TLN2: variants seen among roughly 807,000 people sequenced by gnomAD.
TLN2 encodes the protein talin 2, also known as talin-2.
In TLN2, 118 loss-of-function variants were observed where a neutral mutation model predicts 294.7. The observed-to-expected ratio is 0.40, with a 90% CI of 0.34 to 0.47. TLN2 has a LOEUF of 0.47. Ranked by LOEUF, TLN2 falls within the 20% of genes least tolerant of loss-of-function variation. The pLI, the probability that TLN2 is intolerant of heterozygous loss-of-function variation, is 0.84. For synonymous variants in TLN2, 1,431 were observed against 1,304.5 expected (o/e 1.10, Z -2.09); for missense variants, 3,083 against 3,282.2 (o/e 0.94, Z 1.48).
intron 1 of TLN2, among the ~76,000 whole-genome samples, chr15:62,479,484 T>A (rs888191768): frequency 3.9e-5 from 6 of 152,244 alleles, no homozygotes; most frequent in Non-Finnish European, 7.4e-5. Flanking sequence ...TCTTTATTTT[T>A]ATTTTTTTTT....
intron 41 of TLN2, among the ~76,000 whole-genome samples, chr15:62,766,633 C>T (rs996810634): frequency 1.3e-5 from 2 of 152,166 alleles, no homozygotes; most frequent in African/African-American, 4.8e-5. Context: ...TACCTAAGTT[C>T]AGAAGAAAAC....
At chr15:62,621,030 G>A (rs1475943736) in intron 3 of TLN2, among the ~76,000 whole-genome samples, 6 of 151,088 alleles carry the variant, frequency 4.0e-5, no homozygotes, top group East Asian at 2.0e-4. Context: ...TAGTAGAGAC[G>A]GGGTTTCACC....
chr15:62,672,473 T>C (rs1178995131), intron 9 of TLN2, among the ~76,000 whole-genome samples: 1 of 152,172 alleles, frequency 6.6e-6, no homozygotes, highest in Non-Finnish European at 1.5e-5. Flanking sequence ...GTCAGTGGGA[T>C]GGGGAAATAG....
intron 1 of TLN2, among the ~76,000 whole-genome samples, chr15:62,529,561 TAAAA>T (rs11312497): frequency 4.6e-4 from 62 of 135,162 alleles, no homozygotes; most frequent in Admixed American, 3.3e-3. Flanking sequence ...CTTAAAAGCT[TAAAA>T]AAAAAAAAAA....
chr15:62,836,115 G>C lies in TLN2; in HGVS notation c.7374+42G>C, dbSNP rs746864145. On this transcript the variant is annotated intron_variant, in intron 57 of 58. Coordinates refer to ENST00000636159, the MANE Select transcript of TLN2 (RefSeq NM_015059.3). ...CTGGTGGGAAAATACTCCTGTTGGAGCGGGTAAGTGTCACCAGAGGGGACA... is the reference window on the plus strand; with the variant it reads ...CTGGTGGGAAAATACTCCTGTTGGACCGGGTAAGTGTCACCAGAGGGGACA... The C allele has an allele frequency of 2.6e-6, 4 of 1,561,634 alleles. No individual in the cohort carries two copies. The Admixed American group carries it at 7.5e-5, about 29-fold the overall frequency.
intron 2 of TLN2, among the ~76,000 whole-genome samples, chr15:62,607,929 T>C (rs1196113357): frequency 6.6e-6 from 1 of 152,244 alleles, no homozygotes; most frequent in Non-Finnish European, 1.5e-5. Context: ...CCTTCTTTGC[T>C]AATGTCTAAC....
chr15:62,665,117 G>C (rs2140981864), intron 9 of TLN2, among the ~76,000 whole-genome samples: 1 of 152,174 alleles, frequency 6.6e-6, no homozygotes, highest in South Asian at 2.1e-4. Flanking sequence ...CTGTCACCCA[G>C]GCTGGAGTGC....
chr15:62,517,787 C>T (rs563883246), intron 1 of TLN2, among the ~76,000 whole-genome samples: 1 of 152,126 alleles, frequency 6.6e-6, no homozygotes, highest in Non-Finnish European at 1.5e-5. Context: ...TTTCCCAGAC[C>T]TGTTGGGTAA....
rs2043543052 is a variant in TLN2 at position 62,567,930 on chromosome 15, T to C, written c.-237-21757T>C. Among the ~76,000 whole-genome samples, 5 of 152,156 alleles carry C rather than the reference T, an allele frequency of 3.3e-5. No individual in the cohort carries two copies. The South Asian group carries it at 1.0e-3, about 32-fold the overall frequency. On this transcript the variant is annotated intron_variant, in intron 1 of 58. Coordinates refer to ENST00000636159, the MANE Select transcript of TLN2 (RefSeq NM_015059.3). ...CTTCGGCCAGGCATGCTAAAGATGA[T>C]GCCTTTTGGTTTAGGACCTCCAGAA... is the stretch of plus-strand genomic sequence containing the variant.
At chr15:62,734,810 C>A (rs748778873) in intron 28 of TLN2, among the ~76,000 whole-genome samples, 1 of 152,190 alleles carries the variant, frequency 6.6e-6, no homozygotes, top group Non-Finnish European at 1.5e-5. Context: ...GCACTGCAAA[C>A]CCATCTGGTT....
chr15:62,837,481 G>A (rs1450931472), intron 57 of TLN2, among the ~76,000 whole-genome samples: 2 of 152,188 alleles, frequency 1.3e-5, no homozygotes, highest in Non-Finnish European at 2.9e-5. Context: ...GGGTCAAATA[G>A]GAGAATGCAT....
chr15:62,477,120 G>T (rs148667225), intron 1 of TLN2, among the ~76,000 whole-genome samples: 193 of 152,296 alleles, frequency 1.3e-3, no homozygotes, highest in African/African-American at 4.5e-3. Flanking sequence ...GAAGAAAGAC[G>T]AGATCAAGTA....
chr15:62,514,591 T>G (rs2040093218), intron 1 of TLN2, among the ~76,000 whole-genome samples: 1 of 152,232 alleles, frequency 6.6e-6, no homozygotes, highest in African/African-American at 2.4e-5. Context: ...TCATGGGCAT[T>G]GACTTTTGAC....
chr15:62,460,507 C>A lies in TLN2; in HGVS notation c.-238+69822C>A, dbSNP rs374687153. 1.6e-4 allele frequency among the ~76,000 whole-genome samples: 24 copies of A among 152,216 alleles called. No individual in the cohort carries two copies. The East Asian group carries it at 4.5e-3, about 28-fold the overall frequency. ...CAAACTCCCAACCTCAGGTGATCCA[C>A]CCGCCTCGGCCTCCCAAAGTGCTGG... On this transcript the variant is annotated intron_variant, in intron 1 of 58. Transcript: ENST00000636159.
rs373711520 is a variant in TLN2 at position 62,507,304 on chromosome 15, TG to T, written c.-237-82378del. Reference sequence around the variant, plus strand: ...ATCAGTCAGCACAATTTGGGAAAGGTGGGGGTATTCTGCTATGGAATACCAA... The same window carrying T: ...ATCAGTCAGCACAATTTGGGAAAGGTGGGGTATTCTGCTATGGAATACCAA... On this transcript the variant is annotated intron_variant, in intron 1 of 58. Transcript: ENST00000636159. Among the ~76,000 whole-genome samples the T allele has an allele frequency of 2.8e-4, 43 of 152,318 alleles. 1 individual carries two copies. In the East Asian group the frequency reaches 6.2e-3, roughly 22 times the overall value.
intron 3 of TLN2, among the ~76,000 whole-genome samples, chr15:62,639,985 G>T (rs1285419508): frequency 6.6e-6 from 1 of 152,238 alleles, no homozygotes; most frequent in Non-Finnish European, 1.5e-5. Flanking sequence ...GATGGGGACA[G>T]ATAGGCACCT....
chr15:62,459,174 G>A (rs2036652562), intron 1 of TLN2, among the ~76,000 whole-genome samples: 1 of 151,780 alleles, frequency 6.6e-6, no homozygotes, highest in Non-Finnish European at 1.5e-5. Flanking sequence ...CTAATTTTTT[G>A]TATTTTTAGT....
intron 34 of TLN2, among the ~76,000 whole-genome samples, chr15:62,752,016 C>G (rs920980351): frequency 1.4e-4 from 22 of 152,104 alleles, no homozygotes; most frequent in African/African-American, 4.8e-4. Flanking sequence ...CAGTTTAGAC[C>G]ATTCACCCAT....
At chr15:62,751,791 A>G (rs1043447438) in intron 34 of TLN2, among the ~76,000 whole-genome samples, 7 of 152,254 alleles carry the variant, frequency 4.6e-5, no homozygotes, top group African/African-American at 1.2e-4. Context: ...GTGATTGTAA[A>G]GATCTCTGAA....
Sources: allele counts gnomAD v4.1 joint callset (sites outside exome capture counted in the v4.1 genomes callset), GRCh38; gene constraint gnomAD v4.1.1; transcripts MANE v1.5; gene names NCBI Gene and HGNC (gene_info 2026-07-23, HGNC 2026-07-21).